The following CACNA2D3 variants were observed in gnomAD, a reference collection of about 807,000 sequenced individuals.
The protein encoded by CACNA2D3 is calcium voltage-gated channel auxiliary subunit alpha2delta 3, also known as voltage-dependent calcium channel subunit alpha-2/delta-3.
A neutral mutation model predicts 160.6 loss-of-function variants in CACNA2D3; 60 were observed. The observed-to-expected ratio is 0.37, with a 90% confidence interval of 0.30 to 0.46. The LOEUF (loss-of-function observed/expected upper bound fraction) is 0.46, where lower values mean the gene tolerates loss of function less well. Ranked by LOEUF, CACNA2D3 falls within the 20% of genes least tolerant of loss-of-function variation. The pLI is 1.00. For missense variants in CACNA2D3, 1,205 were observed against 1,365.0 expected, an observed-to-expected ratio of 0.88 and a Z score of 1.85; for synonymous variants, 558 against 492.9, an observed-to-expected ratio of 1.13 and a Z score of -1.75.
chr3:55,055,977 CA>C (rs1422389407), intron 35 of CACNA2D3, among the ~76,000 whole-genome samples: 8 of 152,010 alleles, frequency 5.3e-5, no homozygotes, highest in Non-Finnish European at 8.8e-5. Flanking sequence ...AGCTTCTTAA[CA>C]GCAAAGGAAA....
chr3:54,223,906 T>C (rs1701621060), intron 2 of CACNA2D3, among the ~76,000 whole-genome samples: 1 of 151,974 alleles, frequency 6.6e-6, no homozygotes, highest in African/African-American at 2.4e-5. Flanking sequence ...TAACCTTAGC[T>C]TACTGTAACT....
intron 21 of CACNA2D3, among the ~76,000 whole-genome samples, chr3:54,883,019 G>A (rs1466357232): frequency 1.3e-5 from 2 of 152,078 alleles, no homozygotes; most frequent in Admixed American, 6.6e-5. Context: ...TCAACACTTT[G>A]TATCTTTTTG....
chr3:54,221,241 A>G (rs936066160), intron 2 of CACNA2D3, among the ~76,000 whole-genome samples: 4 of 152,064 alleles, frequency 2.6e-5, no homozygotes, highest in Non-Finnish European at 5.9e-5. Flanking sequence ...CGCAGCACAT[A>G]CTCTAAAACG....
In CACNA2D3 at chr3:54,640,139, C is replaced by T. The variant is rs192400865; in HGVS notation, c.1054-1989C>T. Among the ~76,000 whole-genome samples the T allele has an allele frequency of 1.1e-4, 16 of 152,284 alleles. No homozygotes were observed. In the East Asian group the frequency reaches 3.1e-3, roughly 29 times the overall value. On this transcript the variant is annotated intron_variant, in intron 10 of 37. Coordinates refer to ENST00000474759, the MANE Select transcript of CACNA2D3 (RefSeq NM_018398.3). Reference sequence around the variant, plus strand: ...TTGTGATTCTTCAGTTACTTCAGGCCATCTGGGCGTGTACGTGCATGTCAT... The same window carrying T: ...TTGTGATTCTTCAGTTACTTCAGGCTATCTGGGCGTGTACGTGCATGTCAT...
intron 5 of CACNA2D3, among the ~76,000 whole-genome samples, chr3:54,526,797 T>G (rs1437772758): frequency 2.0e-5 from 3 of 152,194 alleles, no homozygotes; most frequent in Non-Finnish European, 4.4e-5. Flanking sequence ...TTCAAGTGAT[T>G]CTCCTGCATC....
At chr3:55,012,111 C>CT (rs1267711491) in intron 34 of CACNA2D3, among the ~76,000 whole-genome samples, 1 of 152,142 alleles carries the variant, frequency 6.6e-6, no homozygotes, top group Admixed American at 6.5e-5. Context: ...CCTGGGTAGC[C>CT]TTTCTCTGCT....
At chr3:54,466,066 C>T (rs1280865678) in intron 4 of CACNA2D3, among the ~76,000 whole-genome samples, 1 of 152,214 alleles carries the variant, frequency 6.6e-6, no homozygotes, top group Non-Finnish European at 1.5e-5. Flanking sequence ...TGTTTTGAAT[C>T]TCTCTGACTT....
At chr3:54,445,297 AT>A (rs1320187206) in intron 4 of CACNA2D3, among the ~76,000 whole-genome samples, 5 of 152,206 alleles carry the variant, frequency 3.3e-5, no homozygotes, top group Non-Finnish European at 7.3e-5. Flanking sequence ...TCTTTAAAAA[AT>A]GTTGGCAATG....
At chr3:54,805,238 C>G (rs1183897454) in intron 13 of CACNA2D3, among the ~76,000 whole-genome samples, 2 of 152,152 alleles carry the variant, frequency 1.3e-5, no homozygotes, top group East Asian at 3.8e-4. Flanking sequence ...ACAAAAAACC[C>G]TTCAAAAAAT....
At chr3:54,455,785 C>T (rs560872806) in intron 4 of CACNA2D3, among the ~76,000 whole-genome samples, 14 of 152,208 alleles carry the variant, frequency 9.2e-5, no homozygotes, top group African/African-American at 3.4e-4. Flanking sequence ...TTTCATTCTT[C>T]TACAAATGTA....
Position 54,825,102 on chromosome 3 carries a change from G to A in CACNA2D3, c.1398+8232G>A, listed in dbSNP as rs141466825. On this transcript the variant is annotated intron_variant, in intron 14 of 37. Transcript: ENST00000474759. ...CAGTTATAAAATATGACTCTTTTAA[G>A]GTGCTAAAACAATACAAACTGTACT... 3.7e-3 allele frequency among the ~76,000 whole-genome samples: 558 copies of A among 152,130 alleles called. 3 individuals carry two copies. Among genetic ancestry groups the A allele is most frequent in the African/African-American group, 0.013 (527 of 41,478 alleles).
chr3:54,868,095 G>A (rs1426634694), intron 17 of CACNA2D3, among the ~76,000 whole-genome samples: 1 of 152,166 alleles, frequency 6.6e-6, no homozygotes, highest in East Asian at 1.9e-4. Context: ...TTCTTAGTAG[G>A]GGAAAAGAGG....
At chr3:54,185,000 G>A (rs1700856236) in intron 2 of CACNA2D3, among the ~76,000 whole-genome samples, 1 of 152,220 alleles carries the variant, frequency 6.6e-6, no homozygotes, top group Non-Finnish European at 1.5e-5. Context: ...AAAGGTCTGA[G>A]CCAAAGGTCC....
intron 11 of CACNA2D3, among the ~76,000 whole-genome samples, chr3:54,712,459 G>A (rs1700969009): frequency 6.6e-6 from 1 of 152,074 alleles, no homozygotes; most frequent in South Asian, 2.1e-4. Flanking sequence ...CCTTTCCTGT[G>A]CAATTCTCAT....
chr3:54,862,249 A>C (rs1056991128), intron 17 of CACNA2D3, among the ~76,000 whole-genome samples: 1 of 152,214 alleles, frequency 6.6e-6, no homozygotes, highest in African/African-American at 2.4e-5. Context: ...AATTTCTTTC[A>C]TGGAAAAGGT....
intron 4 of CACNA2D3, among the ~76,000 whole-genome samples, chr3:54,408,908 ACT>A (rs1428016972): frequency 6.6e-6 from 1 of 152,172 alleles, no homozygotes. Context: ...GGGGACCCTA[ACT>A]CTCCAGGAAA....
intron 2 of CACNA2D3, among the ~76,000 whole-genome samples, chr3:54,188,593 G>A (rs893260395): frequency 9.2e-5 from 14 of 152,160 alleles, no homozygotes; most frequent in African/African-American, 3.1e-4. Flanking sequence ...TCCAACCATA[G>A]GGTTGCTCCT....
intron 4 of CACNA2D3, among the ~76,000 whole-genome samples, chr3:54,390,360 C>T (rs1699258139): frequency 6.6e-6 from 1 of 152,128 alleles, no homozygotes; most frequent in African/African-American, 2.4e-5. Flanking sequence ...GTGAATGCAG[C>T]ATTGGCATCT....
chr3:54,866,645 G>C (rs1057285939), intron 17 of CACNA2D3, among the ~76,000 whole-genome samples: 3 of 152,214 alleles, frequency 2.0e-5, no homozygotes, highest in African/African-American at 7.2e-5. Context: ...GCCTTTCCCA[G>C]AACACAGAAA....
Sources: allele counts gnomAD v4.1 joint callset (sites outside exome capture counted in the v4.1 genomes callset), GRCh38; gene constraint gnomAD v4.1.1; transcripts MANE v1.5; gene names NCBI Gene and HGNC (gene_info 2026-07-23, HGNC 2026-07-21).